The following INTS4 variants were observed in gnomAD, a reference collection of about 807,000 sequenced individuals.
INTS4 encodes integrator complex subunit 4, also known as MSTP093.
Under a neutral mutation model 119.5 loss-of-function variants are expected in INTS4, and 70 were observed. The ratio of observed to expected loss-of-function variants is 0.59; its 90% CI spans 0.48 to 0.71. The LOEUF is 0.71. Ranked by LOEUF, INTS4 falls within the 30% of genes least tolerant of loss-of-function variation. The pLI is 0.00. For missense variants in INTS4, 867 were observed against 1,173.2 expected (o/e 0.74, Z 3.81); for synonymous variants, 316 against 419.6 (o/e 0.75, Z 3.02).
At chr11:77,915,281 T>G (rs1377671450) in intron 15 of INTS4, 1 of 152,342 alleles carries the variant, frequency 6.6e-6, no homozygotes, top group Non-Finnish European at 1.5e-5. Flanking sequence ...GTAGGGACTT[T>G]GTGAATCATC....
rs1227176887 is a variant in INTS4 at position 77,921,278 on chromosome 11, G to T, written c.1764+62C>A. On this transcript the variant is annotated intron_variant, in intron 14 of 22. Transcript: ENST00000534064. ...AGACCCCCATCTCAAAGGAAAACAT[G>T]AACAAAAATAACCCTACCCCATGCA... 1.9e-6 allele frequency: 3 copies of T among 1,558,550 alleles called. No individual in the cohort carries two copies. In the Admixed American group the frequency reaches 5.4e-5, roughly 28 times the overall value.
In INTS4 at chr11:77,879,001, G is replaced by C; in HGVS notation, c.2840C>G (p.Pro947Arg). The part of the protein sequence containing the change: ...QVETSIEGTI[P>R]FSKPVKVYIM... ...ATAAACTTTTACAGGCTTGCTGAAG[G>C]GAATGGTGCCCTCGATGCTGGTTTC... is the stretch of plus-strand genomic sequence containing the variant. Residue 947 changes from proline to arginine, a missense_variant, in exon 23 of 23, where the codon CCC becomes CGC. Coordinates refer to ENST00000534064, the MANE Select transcript of INTS4 (RefSeq NM_033547.4). 6.2e-7 allele frequency: 1 copy of C among 1,614,114 alleles called. No individual in the cohort carries two copies. The highest frequency in any genetic ancestry group is 8.5e-7 in the Non-Finnish European group (1 of 1,180,024).
intron 5 of INTS4, 124 bp downstream of exon 5, chr11:77,960,829 A>G (rs972940016): frequency 1.6e-5 from 14 of 876,694 alleles, no homozygotes; most frequent in Non-Finnish European, 2.4e-5. Context: ...CTGCGAGGCC[A>G]CCACCAATAC....
At chr11:77,983,966 A>T (rs1856351034) in intron 2 of INTS4, among the ~76,000 whole-genome samples, 3 of 152,216 alleles carry the variant, frequency 2.0e-5, no homozygotes, top group Admixed American at 2.0e-4. Context: ...AACAGCTAAA[A>T]TGTGGAAGCA....
intron 4 of INTS4, among the ~76,000 whole-genome samples, chr11:77,966,063 T>C (rs1171356956): frequency 6.6e-6 from 1 of 152,180 alleles, no homozygotes; most frequent in Non-Finnish European, 1.5e-5. Context: ...TCCCGACGCT[T>C]AGTGATGTTG....
At chr11:77,915,604 A>G (rs1953187658) in intron 15 of INTS4, among the ~76,000 whole-genome samples, 1 of 152,026 alleles carries the variant, frequency 6.6e-6, no homozygotes, top group African/African-American at 2.4e-5. Flanking sequence ...GTATCAGACC[A>G]CCCATTTATC....
chr11:77,878,649 T>C (rs776062263), downstream of INTS4: 7 of 635,682 alleles, frequency 1.1e-5, no homozygotes, highest in Non-Finnish European at 1.9e-5. Flanking sequence ...AGGAATAGCA[T>C]GTAAGCACGT....
chr11:77,886,167 G>A (rs1951996952), intron 21 of INTS4, among the ~76,000 whole-genome samples: 1 of 152,000 alleles, frequency 6.6e-6, no homozygotes, highest in Admixed American at 6.6e-5. Context: ...CCATGCCACT[G>A]CACTCCAGCC....
intron 16 of INTS4, among the ~76,000 whole-genome samples, chr11:77,904,586 T>C (rs1952883993): frequency 6.6e-6 from 1 of 152,220 alleles, no homozygotes; most frequent in South Asian, 2.1e-4. Context: ...AAGAGTCCCA[T>C]GTATCTGGTG....
intron 4 of INTS4, chr11:77,963,390 T>C: frequency 5.0e-6 from 2 of 401,680 alleles, no homozygotes; most frequent in Non-Finnish European, 9.5e-6. Flanking sequence ...AAAACTGCTT[T>C]TCTTTATACT....
In INTS4 at chr11:77,933,168, T is replaced by C. The variant is rs142852488; in HGVS notation, c.1166-4621A>G. On this transcript the variant is annotated intron_variant, in intron 10 of 22. Coordinates refer to ENST00000534064, the MANE Select transcript of INTS4 (RefSeq NM_033547.4). ...AAACTGTATAACTAAATCATATAAA[T>C]GTTAAAAGTGGCCCTCTCCCTGTCC... 8.2e-3 allele frequency among the ~76,000 whole-genome samples: 1,252 copies of C among 152,126 alleles called. 18 individuals are homozygous for C. The highest frequency in any genetic ancestry group is 0.028 in the African/African-American group (1,146 of 41,492).
At chr11:77,895,809 G>A (rs182362605) in intron 18 of INTS4, among the ~76,000 whole-genome samples, 285 of 152,248 alleles carry the variant, frequency 1.9e-3, no homozygotes, top group Non-Finnish European at 3.5e-3. Context: ...CTCCCCAAAC[G>A]TCAAAAAAGA....
chr11:77,951,434 T>C (rs1256115862), intron 8 of INTS4, among the ~76,000 whole-genome samples: 3 of 152,174 alleles, frequency 2.0e-5, no homozygotes, highest in Non-Finnish European at 4.4e-5. Context: ...ATTTAATAAA[T>C]GGTGCTGGGA....
In INTS4 at chr11:77,942,388, T is replaced by C. The variant is rs558857409; in HGVS notation, c.919-1137A>G. Among the ~76,000 whole-genome samples the C allele has an allele frequency of 1.7e-3, 266 of 152,292 alleles. 4 individuals are homozygous for C. The highest frequency in any genetic ancestry group is 5.8e-3 in the African/African-American group (239 of 41,552). On this transcript the variant is annotated intron_variant, in intron 8 of 22. Transcript: ENST00000534064. ...TTACAAATGGAACGTAAGATAGGGC[T>C]CCTGAAAATGAGGCAGTACAGATAG...
At chr11:77,954,015 T>C (rs1363046769) in intron 8 of INTS4, among the ~76,000 whole-genome samples, 1 of 152,098 alleles carries the variant, frequency 6.6e-6, no homozygotes, top group Admixed American at 6.5e-5. Context: ...GGTTTCACCA[T>C]GTTGGCCAGG....
At chr11:77,927,810 T>C (rs1192423071) in intron 11 of INTS4, among the ~76,000 whole-genome samples, 1 of 152,192 alleles carries the variant, frequency 6.6e-6, no homozygotes, top group Admixed American at 6.5e-5. Flanking sequence ...CGTCCTCCAC[T>C]CTTCCATCTC....
intron 10 of INTS4, among the ~76,000 whole-genome samples, chr11:77,929,538 T>C (rs1037909629): frequency 6.6e-6 from 1 of 152,242 alleles, no homozygotes; most frequent in Admixed American, 6.5e-5. Context: ...AAGATTAAAG[T>C]AGACTAAATA....
At chr11:77,947,023 T>C (rs1458028893) in intron 8 of INTS4, among the ~76,000 whole-genome samples, 5 of 149,738 alleles carry the variant, frequency 3.3e-5, no homozygotes, top group Admixed American at 2.0e-4. Context: ...TAGTATACAA[T>C]TGAGAGCTTC....
intron 4 of INTS4, among the ~76,000 whole-genome samples, chr11:77,974,362 C>G (rs895036612): frequency 1.3e-5 from 2 of 150,912 alleles, no homozygotes; most frequent in African/African-American, 4.9e-5. Context: ...CCTGCTTCAG[C>G]CTCCTGAGTA....
Sources: allele counts gnomAD v4.1 joint callset (sites outside exome capture counted in the v4.1 genomes callset), GRCh38; gene constraint gnomAD v4.1.1; transcripts MANE v1.5; gene names NCBI Gene and HGNC (gene_info 2026-07-23, HGNC 2026-07-21).